Variants in BABAM2 observed in about 807,000 individuals in gnomAD.
The protein encoded by BABAM2 is BRISC and BRCA1-A complex member 2.
In BABAM2, 31 loss-of-function variants were observed where a neutral mutation model predicts 54.7. The observed-to-expected ratio is 0.57, with a 90% CI of 0.43 to 0.77. The LOEUF (loss-of-function observed/expected upper bound fraction) is 0.77, where lower values mean the gene tolerates loss of function less well. Among genes scored for constraint, BABAM2 ranks in the 30% least tolerant of loss-of-function variants. The pLI is 0.00. For missense variants in BABAM2, 364 were observed against 455.8 expected, an observed-to-expected ratio of 0.80 and a Z score of 1.83; for synonymous variants, 167 against 162.9, an observed-to-expected ratio of 1.03 and a Z score of -0.19.
intron 10 of BABAM2, among the ~76,000 whole-genome samples, chr2:28,246,316 T>C (rs1019754879): frequency 6.6e-6 from 1 of 152,234 alleles, no homozygotes; most frequent in Non-Finnish European, 1.5e-5. Flanking sequence ...TTCTGTGGCT[T>C]AATTCCTTTG....
intron 10 of BABAM2, among the ~76,000 whole-genome samples, chr2:28,253,493 C>T (rs111750756): frequency 0.013 from 2,009 of 152,094 alleles, 14 homozygotes; most frequent in Middle Eastern, 0.044. Flanking sequence ...TGCAGAACAT[C>T]TTTCTGAGGT....
At chr2:28,244,109 A>G (rs1023904022) in intron 9 of BABAM2, among the ~76,000 whole-genome samples, 2 of 152,112 alleles carry the variant, frequency 1.3e-5, no homozygotes, top group Admixed American at 6.6e-5. Flanking sequence ...CTTTTGACAC[A>G]TGAAATATGC....
chr2:27,903,306 C>T (rs1665946844), intron 2 of BABAM2, among the ~76,000 whole-genome samples: 1 of 152,228 alleles, frequency 6.6e-6, no homozygotes, highest in Non-Finnish European at 1.5e-5. Flanking sequence ...AAATTCCCCC[C>T]TTCCATCTTG....
chr2:28,137,141 CAAAAAAGA>C (rs1195822296), intron 7 of BABAM2, among the ~76,000 whole-genome samples: 28 of 151,902 alleles, frequency 1.8e-4, no homozygotes, highest in Non-Finnish European at 3.7e-4. Context: ...TCAGTCTTCT[CAAAAAAGA>C]GACCTTCCAG....
intron 6 of BABAM2, among the ~76,000 whole-genome samples, chr2:28,051,629 T>C (rs1678002911): frequency 6.7e-6 from 1 of 150,016 alleles, no homozygotes; most frequent in Non-Finnish European, 1.5e-5. Flanking sequence ...CAACAGGAGC[T>C]CAGAGTCATA....
chr2:28,075,699 A>G (rs1341800030), intron 6 of BABAM2, among the ~76,000 whole-genome samples: 1 of 152,184 alleles, frequency 6.6e-6, no homozygotes, highest in Non-Finnish European at 1.5e-5. Flanking sequence ...AATTGCTTAA[A>G]TGCAGTATGC....
chr2:28,278,288 G>A (rs535986609), intron 10 of BABAM2, among the ~76,000 whole-genome samples: 33 of 152,290 alleles, frequency 2.2e-4, no homozygotes, highest in Middle Eastern at 3.4e-3. Context: ...ATGAATTCAA[G>A]TGGAAGAAGC....
Position 28,039,179 on chromosome 2 carries a change from G to A in BABAM2, c.496-6546G>A, listed in dbSNP as rs544396916. ...CATTTTAGGCCCTTAATACATACTC[G>A]TGAATGGATGAATACACCTTGAGTC... On this transcript the variant is annotated intron_variant, in intron 5 of 11. Transcript: ENST00000379624. Among the ~76,000 whole-genome samples the A allele has an allele frequency of 1.4e-4, 21 of 152,150 alleles. No homozygotes were observed. In the East Asian group the frequency reaches 2.9e-3, roughly 21 times the overall value.
At chr2:27,989,945 G>GCT (rs1672664058) in intron 4 of BABAM2, among the ~76,000 whole-genome samples, 1 of 152,038 alleles carries the variant, frequency 6.6e-6, no homozygotes, top group African/African-American at 2.4e-5. Context: ...AATTGACCTA[G>GCT]ATTTATATAA....
intron 7 of BABAM2, among the ~76,000 whole-genome samples, chr2:28,150,417 T>C (rs537284990): frequency 6.6e-6 from 1 of 152,176 alleles, no homozygotes; most frequent in South Asian, 2.1e-4. Flanking sequence ...AAAGCTGGAG[T>C]ACTGCCATCT....
At chr2:28,058,184 T>C (rs1414798531) in intron 6 of BABAM2, among the ~76,000 whole-genome samples, 3 of 151,988 alleles carry the variant, frequency 2.0e-5, no homozygotes, top group Non-Finnish European at 4.4e-5. Context: ...AGCATTTTTT[T>C]AGGTGGCAAC....
At position 28,282,169 on chromosome 2, in the gene BABAM2, G is replaced by A. The variant is rs565774612; in HGVS notation, c.935-16169G>A. Among the ~76,000 whole-genome samples the A allele has an allele frequency of 5.3e-5, 8 of 152,292 alleles. No homozygotes were observed. In the South Asian group the frequency reaches 1.2e-3, roughly 24 times the overall value. ...ACAGAAGTGAGCAACAGTGTCAGAT[G>A]CCATTAAAACCCCGTAGATATAACC... On this transcript the variant is annotated intron_variant, in intron 10 of 11. Transcript: ENST00000379624.
At chr2:28,006,802 C>T (rs1193392742) in intron 4 of BABAM2, among the ~76,000 whole-genome samples, 2 of 151,950 alleles carry the variant, frequency 1.3e-5, no homozygotes, top group African/African-American at 4.8e-5. Context: ...TCTGTTTAAT[C>T]TGTAACCTCT....
intron 4 of BABAM2, among the ~76,000 whole-genome samples, chr2:28,007,060 T>C (rs1352922642): frequency 6.6e-6 from 1 of 151,956 alleles, no homozygotes. Context: ...TTTGGAAGCA[T>C]TTAAGAGACT....
At chr2:28,319,888 C>T (rs1000445765) in intron 11 of BABAM2, among the ~76,000 whole-genome samples, 3 of 152,314 alleles carry the variant, frequency 2.0e-5, no homozygotes, top group East Asian at 1.9e-4. Flanking sequence ...TAGACAGGCT[C>T]ACGGTGGGGG....
intron 4 of BABAM2, among the ~76,000 whole-genome samples, chr2:28,023,535 G>A (rs1293704150): frequency 1.3e-5 from 2 of 152,140 alleles, no homozygotes; most frequent in Non-Finnish European, 1.5e-5. Context: ...CAACAGATTT[G>A]CCAGGGAAAA....
At chr2:27,955,609 T>C (rs1310113149) in intron 3 of BABAM2, among the ~76,000 whole-genome samples, 2 of 152,250 alleles carry the variant, frequency 1.3e-5, no homozygotes, top group Non-Finnish European at 2.9e-5. Context: ...AATGAAGTTA[T>C]GCTTGTCTTC....
intron 6 of BABAM2, among the ~76,000 whole-genome samples, chr2:28,078,491 A>G (rs967151310): frequency 2.6e-5 from 4 of 152,126 alleles, no homozygotes; most frequent in African/African-American, 9.7e-5. Context: ...GTAAGAATGA[A>G]TCATCTATCC....
At chr2:28,057,914 C>T (rs748141998) in intron 6 of BABAM2, among the ~76,000 whole-genome samples, 1 of 151,800 alleles carries the variant, frequency 6.6e-6, no homozygotes, top group South Asian at 2.1e-4. Context: ...GAGGCCGAGG[C>T]GGGAGGATCA....
Sources: allele counts gnomAD v4.1 joint callset (sites outside exome capture counted in the v4.1 genomes callset), GRCh38; gene constraint gnomAD v4.1.1; transcripts MANE v1.5; gene names NCBI Gene and HGNC (gene_info 2026-07-23, HGNC 2026-07-21).